ZNF737: variants seen among roughly 807,000 people sequenced by gnomAD.
ZNF737 encodes the protein zinc finger protein 737, also known as zinc finger protein 102 (Y3).
A neutral mutation model predicts 11.7 loss-of-function variants in ZNF737; 13 were observed. That is an observed-to-expected ratio of 1.11 (90% CI 0.73 to 1.77). ZNF737 has a LOEUF of 1.77. Ranked by LOEUF, ZNF737 falls within the 40% of genes most tolerant of loss-of-function variation. The pLI is 0.00. For synonymous variants in ZNF737, 217 were observed against 216.2 expected, an observed-to-expected ratio of 1.00 and a Z score of -0.03; for missense variants, 636 against 638.0, an observed-to-expected ratio of 1.00 and a Z score of 0.03.
chr19:20,563,685 C>T (rs1969191543), intron 1 of ZNF737, among the ~76,000 whole-genome samples: 1 of 151,748 alleles, frequency 6.6e-6, no homozygotes. Flanking sequence ...GGGGTTTCAT[C>T]ATGTTGGGCA....
At chr19:20,556,649 A>G (rs1299087998) in intron 1 of ZNF737, among the ~76,000 whole-genome samples, 10 of 152,132 alleles carry the variant, frequency 6.6e-5, no homozygotes, top group African/African-American at 2.4e-4. Context: ...TATACTTAGC[A>G]CTCTTGTCAC....
At chr19:20,551,311 C>T (rs1555758293) in intron 3 of ZNF737, 1 of 151,594 alleles carries the variant, frequency 6.6e-6, no homozygotes, top group Admixed American at 6.6e-5. Flanking sequence ...CACCAGTAAT[C>T]CCAGCTACCC....
downstream of ZNF737, among the ~76,000 whole-genome samples, chr19:20,533,879 G>A (rs1243075580): frequency 6.7e-6 from 1 of 150,048 alleles, no homozygotes; most frequent in African/African-American, 2.5e-5. Flanking sequence ...GAATCACTTG[G>A]GCTGAGCTAA....
intron 1 of ZNF737, among the ~76,000 whole-genome samples, 187 bp from the exon 2 acceptor site, chr19:20,554,022 A>G (rs2082014): frequency 0.24 from 36,125 of 152,156 alleles, 4,372 homozygotes; most frequent in South Asian, 0.33. Flanking sequence ...AAAGAACAGC[A>G]TAAGATCCAC....
rs782553151 is a variant in ZNF737, at chr19:20,546,020, A to T, written c.227-44T>A. On this transcript the variant is annotated intron_variant, in intron 3 of 3. Transcript: ENST00000427401. ...GCACATTACTTCAATTGGTAGACTC[A>T]GATAAATATACTTTACAGATCTAAC... is the stretch of plus-strand genomic sequence containing the variant. The T allele has an allele frequency of 5.3e-6, 8 of 1,518,714 alleles. No individual in the cohort carries two copies. The South Asian group carries it at 9.6e-5, about 18-fold the overall frequency. The allele number at this position is 1,518,714 out of a possible 1,614,324, so 94.1% of individuals were successfully genotyped here. A position where few individuals can be genotyped will look rare whatever the true frequency, so the allele number is the denominator to read the frequency against.
rs541515049 is a variant in ZNF737, at chr19:20,565,546, C to A, written c.3+92G>T. 6.3e-6 allele frequency: 10 copies of A among 1,598,768 alleles called. No individual in the cohort carries two copies. In the South Asian group the frequency reaches 9.9e-5, roughly 16 times the overall value. On this transcript the variant is annotated intron_variant, in intron 1 of 3. Transcript: ENST00000427401. The stretch of plus-strand genomic sequence containing the variant: ...CTCAGGGTGCAGATTGTGGAGCTGA[C>A]TGCGCAGAGGCCTGAGTCCCGCCAC...
chr19:20,552,227 C>CT (rs1968702303), intron 3 of ZNF737, among the ~76,000 whole-genome samples: 1 of 151,524 alleles, frequency 6.6e-6, no homozygotes, highest in African/African-American at 2.4e-5. Flanking sequence ...GACTCTGGCT[C>CT]TCACTGTGAA....
rs538433962 is a variant in ZNF737, at chr19:20,545,247, C to T, written c.956G>A (p.Gly319Asp). 33 of 1,613,784 alleles carry T rather than the reference C, an allele frequency of 2.0e-5. 1 individual carries two copies. In the South Asian group the frequency reaches 3.4e-4, roughly 17 times the overall value. The change falls in exon 4 of 4, where the codon GGC becomes GAC. Residue 319 changes from glycine (G) to aspartate (D), a missense_variant. Physicochemically the swap from Gly to Asp is moderately conservative, Grantham distance 94. Transcript: ENST00000427401. The part of the protein sequence containing the change: ...GEKPYKCEEC[G>D]KAFKHPSVLT... Reference sequence around the variant, plus strand: ...GACAGAGGGGTGCTTAAAGGCTTTGCCACATTCTTCACATTTGTAGGGTTT... The same window carrying T: ...GACAGAGGGGTGCTTAAAGGCTTTGTCACATTCTTCACATTTGTAGGGTTT...
chr19:20,559,913 T>C (rs1490656869), intron 1 of ZNF737, among the ~76,000 whole-genome samples: 1 of 152,010 alleles, frequency 6.6e-6, no homozygotes, highest in African/African-American at 2.4e-5. Context: ...ACGCCTGTAA[T>C]CCCAGCACTT....
chr19:20,555,909 G>C (rs1555761003), intron 1 of ZNF737, among the ~76,000 whole-genome samples: 1 of 151,840 alleles, frequency 6.6e-6, no homozygotes, highest in Admixed American at 6.6e-5. Flanking sequence ...CCTGAATCTT[G>C]AGAATATGCC....
intron 1 of ZNF737, among the ~76,000 whole-genome samples, chr19:20,563,482 CTTACTT>C (rs1969179902): frequency 8.7e-6 from 1 of 115,340 alleles, no homozygotes; most frequent in East Asian, 2.8e-4. Flanking sequence ...GAAGGAAGTG[CTTACTT>C]TTTTTTTTTT....
the ZNF737 span, among the ~76,000 whole-genome samples, chr19:20,530,488 G>A: frequency 2.1e-4 from 31 of 146,270 alleles, 1 homozygote; most frequent in Admixed American, 1.7e-3. Flanking sequence ...GCAGCCGGGT[G>A]GAGGGGCTCC....
At chr19:20,557,859 C>T (rs1968947174) in intron 1 of ZNF737, among the ~76,000 whole-genome samples, 1 of 152,104 alleles carries the variant, frequency 6.6e-6, no homozygotes, top group Non-Finnish European at 1.5e-5. Context: ...TTGTGATCCA[C>T]CTGCCTCGGC....
In ZNF737 at chr19:20,538,676, A is replaced by G. The variant is rs1263241612; in HGVS notation, c.*5916T>C. On this transcript the variant is annotated 3_prime_UTR_variant, in exon 4 of 4. Coordinates refer to ENST00000427401, the MANE Select transcript of ZNF737 (RefSeq NM_001159293.2). ...ATGGACCCTGAGTAATTCAGGGGGA[A>G]TTGGTATCTCTGTAAAGAGACAGTA... is the stretch of plus-strand genomic sequence containing the variant. 5 of 985,416 alleles carry G rather than the reference A, an allele frequency of 5.1e-6. No individual in the cohort carries two copies. The highest frequency in any genetic ancestry group is 6.0e-6 in the Non-Finnish European group (5 of 829,904). 61.0% of individuals were successfully genotyped at this position (985,416 alleles called of 1,614,324 possible). A position where few individuals can be genotyped will look rare whatever the true frequency, so the allele number is the denominator to read the frequency against.
intron 1 of ZNF737, 77 bp from the exon 2 acceptor site, chr19:20,553,912 G>T: frequency 2.0e-6 from 3 of 1,537,616 alleles, no homozygotes; most frequent in Non-Finnish European, 2.6e-6. Flanking sequence ...GTTCAAATGA[G>T]AGAGTAAAGA....
chr19:20,531,610 C>T (rs1268833015), downstream of ZNF737, among the ~76,000 whole-genome samples: 1 of 149,410 alleles, frequency 6.7e-6, no homozygotes, highest in Non-Finnish European at 1.5e-5. Context: ...TGCCTGCCAC[C>T]AAGCCTGGCT....
At chr19:20,560,208 G>A (rs1456352365) in intron 1 of ZNF737, among the ~76,000 whole-genome samples, 1 of 151,324 alleles carries the variant, frequency 6.6e-6, no homozygotes, top group Non-Finnish European at 1.5e-5. Context: ...TTGGCCAGGT[G>A]TGGTAATGCC....
intron 1 of ZNF737, among the ~76,000 whole-genome samples, chr19:20,561,611 T>C (rs1370326672): frequency 6.6e-6 from 1 of 152,052 alleles, no homozygotes; most frequent in Non-Finnish European, 1.5e-5. Flanking sequence ...ACTTCTGTGA[T>C]ATCTTTTTCC....
At chr19:20,535,335 T>C (rs1184826347), downstream of ZNF737, among the ~76,000 whole-genome samples, 3 of 152,038 alleles carry the variant, frequency 2.0e-5, no homozygotes, top group Non-Finnish European at 4.4e-5. Context: ...TTACTCACAA[T>C]AGCTAAGGTT....
Sources: gnomAD v4.1 joint callset for allele counts (sites outside exome capture counted in the v4.1 genomes callset) on GRCh38, gnomAD v4.1.1 for gene constraint, MANE v1.5 for transcripts, NCBI Gene and HGNC (gene_info 2026-07-23, HGNC 2026-07-21) for gene names.